The following SLC9A1 variants were observed in gnomAD, a reference collection of about 807,000 sequenced individuals.
SLC9A1 encodes the protein sodium/hydrogen exchanger 1.
Under a neutral mutation model 67.9 loss-of-function variants are expected in SLC9A1, and 22 were observed. The ratio of observed to expected loss-of-function variants is 0.32; its 90% CI spans 0.23 to 0.46. The LOEUF (loss-of-function observed/expected upper bound fraction) is 0.46, where lower values mean the gene tolerates loss of function less well. SLC9A1 is among the 20% of genes least tolerant of loss of function. SLC9A1 has a pLI of 1.00. For synonymous variants in SLC9A1, 421 were observed against 471.8 expected (o/e 0.89, Z 1.40); for missense variants, 686 against 1,094.8 (o/e 0.63, Z 5.27).
At position 27,109,503 on chromosome 1, in the gene SLC9A1, A is replaced by G. The variant is rs2083212654; in HGVS notation, c.1064+24T>C. 1 of 1,574,722 alleles carries G rather than the reference A, an allele frequency of 6.4e-7. No homozygotes were observed. Among genetic ancestry groups the G allele is most frequent in the East Asian group, 2.4e-5 (1 of 41,132 alleles). On this transcript the variant is annotated intron_variant, in intron 3 of 11. Transcript: ENST00000263980. This position sits in a 1 kb window ranked among gnomAD's most constrained non-coding sequence, Gnocchi z 5.5. ...CCCCCGCCCCCACCCCGCCAAGCCC[A>G]CTGCCTGCTGCACGCAGACTCACGC... is the stretch of plus-strand genomic sequence containing the variant.
Position 27,125,237 on chromosome 1 carries a change from C to CTTTTT in SLC9A1, c.353-10956_353-10952dup, listed in dbSNP as rs71010327. Among the ~76,000 whole-genome samples, 622 of 86,864 alleles carry CTTTTT rather than the reference C, an allele frequency of 7.2e-3. 20 individuals carry two copies. The highest frequency in any genetic ancestry group is 0.011 in the African/African-American group (223 of 20,810). 57.0% of individuals were successfully genotyped at this position (86,864 alleles called of 152,430 possible). A position where few individuals can be genotyped will look rare whatever the true frequency, so the allele number is the denominator to read the frequency against. On this transcript the variant is annotated intron_variant, in intron 1 of 11. Transcript: ENST00000263980. ...CTCTTTTCCTTCCTTCCTTTTCTTTCTTTTTTTTTTTTTTTTTTTTTTTTT... is the reference window on the plus strand; with the variant it reads ...CTCTTTTCCTTCCTTCCTTTTCTTTCTTTTTTTTTTTTTTTTTTTTTTTTTTTTTT...
At chr1:27,148,346 G>A (rs550593505) in intron 1 of SLC9A1, among the ~76,000 whole-genome samples, 1 of 152,186 alleles carries the variant, frequency 6.6e-6, no homozygotes, top group Admixed American at 6.5e-5. Context: ...AGCTGTCAAG[G>A]CTCCAGACCA....
chr1:27,113,695 G>T, intron 2 of SLC9A1, 131 bp downstream of exon 2: 1 of 715,854 alleles, frequency 1.4e-6, no homozygotes, highest in South Asian at 1.8e-5. Flanking sequence ...ATGGTGCCTG[G>T]CATACGGGAA....
At chr1:27,115,055 A>T (rs1221095038) in intron 1 of SLC9A1, among the ~76,000 whole-genome samples, 1 of 152,212 alleles carries the variant, frequency 6.6e-6, no homozygotes, top group Non-Finnish European at 1.5e-5. Flanking sequence ...GGGGCAACTA[A>T]GGCTCAGAAA....
chr1:27,116,246 G>A (rs1295605345), intron 1 of SLC9A1, among the ~76,000 whole-genome samples: 2 of 152,144 alleles, frequency 1.3e-5, no homozygotes, highest in Non-Finnish European at 2.9e-5. Context: ...TGTATTCCCA[G>A]CTACTTGGGA....
intron 1 of SLC9A1, among the ~76,000 whole-genome samples, chr1:27,115,247 G>C (rs1421510137): frequency 6.6e-6 from 1 of 152,122 alleles, no homozygotes; most frequent in Admixed American, 6.6e-5. Context: ...CATCTCCCCA[G>C]GCCGTGTCCT....
chr1:27,115,330 C>T (rs1570857654), intron 1 of SLC9A1, among the ~76,000 whole-genome samples: 1 of 152,226 alleles, frequency 6.6e-6, no homozygotes, highest in South Asian at 2.1e-4. Flanking sequence ...AGCAAAAATC[C>T]CCGTTGAGAG....
intron 1 of SLC9A1, 113 bp downstream of exon 1, chr1:27,153,870 C>G: frequency 1.4e-6 from 1 of 701,828 alleles, no homozygotes. Context: ...AGACTGCCTA[C>G]TTTATGGGGG....
intron 2 of SLC9A1, among the ~76,000 whole-genome samples, chr1:27,113,077 G>A (rs2083241958): frequency 6.6e-6 from 1 of 151,880 alleles, no homozygotes; most frequent in Non-Finnish European, 1.5e-5. Flanking sequence ...CAACATGAGA[G>A]CTGAAAGGCC....
In SLC9A1 at chr1:27,100,177, G is replaced by T; in HGVS notation, c.*130C>A. The T allele has an allele frequency of 3.1e-6, 2 of 636,636 alleles. No homozygotes were observed. Among genetic ancestry groups the T allele is most frequent in the Non-Finnish European group, 5.1e-6 (2 of 390,824 alleles). The allele number at this position is 636,636 out of a possible 1,614,324, so 39.4% of individuals were successfully genotyped here. On this transcript the variant is annotated 3_prime_UTR_variant, in exon 12 of 12. Transcript: ENST00000263980. The surrounding 1 kb of genome is among the most constrained non-coding windows in gnomAD (Gnocchi z 5.6). ...AGCTGTGCTGGGGTGGGGGCTGTGG[G>T]CCCAGCTGCCATGCGGTAGGGGGAG...
chr1:27,103,314 T>TGG lies in SLC9A1; in HGVS notation c.1486-4_1486-3dup. On this transcript the variant is annotated splice_polypyrimidine_tract_variant and splice_region_variant and intron_variant, in intron 5 of 11. Coordinates refer to ENST00000263980, the MANE Select transcript of SLC9A1 (RefSeq NM_003047.5). ...TACCAGGGGCCGAATGGTCATGCCC[T>TGG]GGGGGGCAGGCAGGTGTCAGGCACT... 1 of 1,610,674 alleles carries TGG rather than the reference T, an allele frequency of 6.2e-7. No individual in the cohort carries two copies.
chr1:27,105,480 TAG>T (rs2083176955), intron 5 of SLC9A1: 1 of 532,064 alleles, frequency 1.9e-6, no homozygotes, highest in Non-Finnish European at 3.4e-6. Context: ...GTATTTTTAG[TAG>T]AGACGGGGTT....
At chr1:27,123,487 T>C (rs1328869558) in intron 1 of SLC9A1, among the ~76,000 whole-genome samples, 1 of 151,918 alleles carries the variant, frequency 6.6e-6, no homozygotes, top group African/African-American at 2.4e-5. Context: ...ATAATTATTA[T>C]CCACTTTTTA....
chr1:27,103,374 C>T, intron 5 of SLC9A1, 62 bp from the exon 6 acceptor site: 2 of 1,138,238 alleles, frequency 1.8e-6, no homozygotes, highest in Non-Finnish European at 2.7e-6. Flanking sequence ...GGCCACAGAG[C>T]CTCCCTCCCT....
At position 27,101,929 on chromosome 1, in the gene SLC9A1, G is replaced by A. The variant is rs566134269; in HGVS notation, c.1935+87C>T. The stretch of plus-strand genomic sequence containing the variant: ...CCGGGCCAGTCCTGGGGTGGGTGCC[G>A]AGGGGCACGGGCAGGGCAGGGCTGC... On this transcript the variant is annotated intron_variant, in intron 9 of 11. Coordinates refer to ENST00000263980, the MANE Select transcript of SLC9A1 (RefSeq NM_003047.5). This position sits in a 1 kb window ranked among gnomAD's most constrained non-coding sequence, Gnocchi z 4.9. 9.8e-5 allele frequency: 139 copies of A among 1,413,642 alleles called. 1 individual carries two copies. Among genetic ancestry groups the A allele is most frequent in the Middle Eastern group, 4.6e-4 (2 of 4,394 alleles). The allele number at this position is 1,413,642 out of a possible 1,614,324, so 87.6% of individuals were successfully genotyped here. A position where few individuals can be genotyped will look rare whatever the true frequency, so the allele number is the denominator to read the frequency against.
intron 1 of SLC9A1, among the ~76,000 whole-genome samples, chr1:27,144,608 A>C (rs959181483): frequency 9.9e-5 from 15 of 152,244 alleles, no homozygotes; most frequent in African/African-American, 3.1e-4. Flanking sequence ...TGTCTGCCCC[A>C]GGGCTTTGCA....
Position 27,132,808 on chromosome 1 carries a change from G to A in SLC9A1, c.353-18522C>T, listed in dbSNP as rs149784512. 1.6e-3 allele frequency among the ~76,000 whole-genome samples: 244 copies of A among 152,222 alleles called. 1 individual carries two copies. The highest frequency in any genetic ancestry group is 5.4e-3 in the African/African-American group (224 of 41,544). On this transcript the variant is annotated intron_variant, in intron 1 of 11. Transcript: ENST00000263980. ...CAACAGGGCACTTTCGGACAGCCCCGCCTGGCTCCCTGATTATCATTGCCA... is the reference window on the plus strand; with the variant it reads ...CAACAGGGCACTTTCGGACAGCCCCACCTGGCTCCCTGATTATCATTGCCA...
chr1:27,122,171 A>G (rs941919979), intron 1 of SLC9A1, among the ~76,000 whole-genome samples: 4 of 152,058 alleles, frequency 2.6e-5, no homozygotes, highest in African/African-American at 7.2e-5. Flanking sequence ...CTCCTCTGGG[A>G]AGCCTTCCTG....
chr1:27,137,519 G>C lies in SLC9A1; in HGVS notation c.352+16464C>G, dbSNP rs914574597. Among the ~76,000 whole-genome samples, 1 of 152,176 alleles carries C rather than the reference G, an allele frequency of 6.6e-6. No homozygotes were observed. The highest frequency in any genetic ancestry group is 1.5e-5 in the Non-Finnish European group (1 of 68,012). On this transcript the variant is annotated intron_variant, in intron 1 of 11. Coordinates refer to ENST00000263980, the MANE Select transcript of SLC9A1 (RefSeq NM_003047.5). The surrounding 1 kb of genome is among the most constrained non-coding windows in gnomAD (Gnocchi z 4.6). Reference sequence around the variant, plus strand: ...ACATGGGGACCACAAAGTTGCAAGTGGGGGAGGGGGGTTTCAGTCCTGGTC... The same window carrying C: ...ACATGGGGACCACAAAGTTGCAAGTCGGGGAGGGGGGTTTCAGTCCTGGTC...
Sources: gnomAD v4.1 joint callset for allele counts (sites outside exome capture counted in the v4.1 genomes callset) on GRCh38, gnomAD v4.1.1 for gene constraint, Gnocchi (gnomAD v3.1) non-coding constraint, MANE v1.5 for transcripts, NCBI Gene and HGNC (gene_info 2026-07-23, HGNC 2026-07-21) for gene names.